The following SLC25A21 variants were observed in gnomAD, a reference collection of about 807,000 sequenced individuals.
SLC25A21 encodes solute carrier family 25 member 21, also known as mitochondrial 2-oxodicarboxylate carrier.
Under a neutral mutation model 43.8 loss-of-function variants are expected in SLC25A21, and 47 were observed. The ratio of observed to expected loss-of-function variants is 1.07; its 90% CI spans 0.85 to 1.37. SLC25A21 has a LOEUF of 1.37. Among genes scored for constraint, SLC25A21 ranks in the 40% most tolerant of loss-of-function variants. The pLI is 0.00. For missense variants in SLC25A21, 352 were observed against 350.2 expected (o/e 1.00, Z -0.04); for synonymous variants, 131 against 121.3 (o/e 1.08, Z -0.52).
At chr14:37,072,726 G>A (rs1438395414) in intron 1 of SLC25A21, among the ~76,000 whole-genome samples, 1 of 152,050 alleles carries the variant, frequency 6.6e-6, no homozygotes, top group Admixed American at 6.5e-5. Context: ...CCTGGGCGGA[G>A]CAAGACTCTG....
At chr14:36,752,847 C>T (rs1446849409) in intron 3 of SLC25A21, among the ~76,000 whole-genome samples, 1 of 152,164 alleles carries the variant, frequency 6.6e-6, no homozygotes, top group Non-Finnish European at 1.5e-5. Flanking sequence ...GCTTGCACTT[C>T]TCCTTCCTGC....
At chr14:36,784,913 G>T (rs1226848817) in intron 3 of SLC25A21, among the ~76,000 whole-genome samples, 1 of 152,182 alleles carries the variant, frequency 6.6e-6, no homozygotes, top group African/African-American at 2.4e-5. Context: ...AATATTTAAT[G>T]TAGGGAGCAA....
rs1224095433 is a variant in SLC25A21, at chr14:37,134,672, G to C, written c.70+37609C>G. On this transcript the variant is annotated intron_variant, in intron 1 of 9. Transcript: ENST00000331299. ...CTAAAAAAAAAAAAAAAGAAAGAAA[G>C]AAAGAAAAGAAAAGAAAAGAAAACA... Among the ~76,000 whole-genome samples, 3 of 149,454 alleles carry C rather than the reference G, an allele frequency of 2.0e-5. No individual in the cohort carries two copies. In the East Asian group the frequency reaches 5.9e-4, roughly 29 times the overall value.
chr14:36,715,253 G>T (rs928244662), intron 6 of SLC25A21, among the ~76,000 whole-genome samples: 3 of 152,152 alleles, frequency 2.0e-5, no homozygotes, highest in African/African-American at 7.2e-5. Context: ...ATGATAGTGT[G>T]TTTTCTTTCT....
At chr14:37,131,157 A>C (rs962379186) in intron 1 of SLC25A21, among the ~76,000 whole-genome samples, 5 of 152,178 alleles carry the variant, frequency 3.3e-5, no homozygotes, top group Non-Finnish European at 7.3e-5. Flanking sequence ...TATATGTTAC[A>C]TTTAAATTTT....
At chr14:36,975,623 G>A (rs1431114788) in intron 1 of SLC25A21, among the ~76,000 whole-genome samples, 1 of 152,140 alleles carries the variant, frequency 6.6e-6, no homozygotes, top group Non-Finnish European at 1.5e-5. Context: ...GTCTTGTCTG[G>A]CAGAGGAATC....
At chr14:36,894,982 G>A (rs1352292062) in intron 1 of SLC25A21, among the ~76,000 whole-genome samples, 1 of 152,160 alleles carries the variant, frequency 6.6e-6, no homozygotes, top group Non-Finnish European at 1.5e-5. Flanking sequence ...GTTCATCAGG[G>A]ACATTGGTCT....
chr14:36,734,370 T>C lies in SLC25A21; in HGVS notation c.270+137A>G, dbSNP rs1884947133. ...AGAGACTGACCAAGTCTAATTATAA[T>C]AAAAATTATGCTATAATTTCTGCAT... On this transcript the variant is annotated intron_variant, in intron 4 of 9. Coordinates refer to ENST00000331299, the MANE Select transcript of SLC25A21 (RefSeq NM_030631.4). 7 of 568,902 alleles carry C rather than the reference T, an allele frequency of 1.2e-5. No homozygotes were observed. In the South Asian group the frequency reaches 1.5e-4, roughly 12 times the overall value. The allele number at this position is 568,902 out of a possible 1,614,324, so 35.2% of individuals were successfully genotyped here.
At chr14:37,151,409 T>C (rs1246113503) in intron 1 of SLC25A21, among the ~76,000 whole-genome samples, 1 of 152,230 alleles carries the variant, frequency 6.6e-6, no homozygotes, top group East Asian at 1.9e-4. Flanking sequence ...GAGGCACTGC[T>C]GGTTAATATG....
chr14:37,028,404 C>A (rs1438495340), intron 1 of SLC25A21, among the ~76,000 whole-genome samples: 2 of 152,164 alleles, frequency 1.3e-5, no homozygotes, highest in Non-Finnish European at 2.9e-5. Flanking sequence ...AGTGTCACTT[C>A]TCTTGAATTG....
At chr14:36,832,550 T>C (rs1000414167) in intron 2 of SLC25A21, among the ~76,000 whole-genome samples, 1 of 152,192 alleles carries the variant, frequency 6.6e-6, no homozygotes, top group African/African-American at 2.4e-5. Flanking sequence ...TAATATTCCA[T>C]ATTAATTTAA....
intron 1 of SLC25A21, among the ~76,000 whole-genome samples, chr14:36,937,214 T>C (rs958878048): frequency 2.0e-5 from 3 of 152,168 alleles, no homozygotes; most frequent in Non-Finnish European, 4.4e-5. Context: ...CTCCACATTG[T>C]CTTGGGCTCC....
At chr14:36,818,795 A>G (rs1432102673) in intron 2 of SLC25A21, among the ~76,000 whole-genome samples, 1 of 152,198 alleles carries the variant, frequency 6.6e-6, no homozygotes, top group Non-Finnish European at 1.5e-5. Flanking sequence ...CATTTCAGCA[A>G]CTTAAAAGGT....
intron 1 of SLC25A21, among the ~76,000 whole-genome samples, chr14:36,998,310 G>A (rs1276855515): frequency 1.3e-5 from 2 of 152,140 alleles, no homozygotes; most frequent in Non-Finnish European, 2.9e-5. Flanking sequence ...CAAATTTAGA[G>A]TAACAGAAAA....
At chr14:37,038,274 A>T (rs1413012300) in intron 1 of SLC25A21, among the ~76,000 whole-genome samples, 1 of 152,164 alleles carries the variant, frequency 6.6e-6, no homozygotes, top group African/African-American at 2.4e-5. Context: ...AGGTGACATA[A>T]GGTATACCTA....
chr14:36,870,143 T>C (rs1890328114), intron 2 of SLC25A21, among the ~76,000 whole-genome samples: 1 of 152,210 alleles, frequency 6.6e-6, no homozygotes, highest in Non-Finnish European at 1.5e-5. Flanking sequence ...GGATCAATAA[T>C]GCGACAGATG....
At position 36,729,624 on chromosome 14, in the gene SLC25A21, A is replaced by C. The variant is rs919889854; in HGVS notation, c.271-58T>G. ...ACAATTTTCCTGCAACAAACTCTTT[A>C]ATTGACTCAAATTTCTTTGGTAAAT... On this transcript the variant is annotated intron_variant, in intron 4 of 9. Coordinates refer to ENST00000331299, the MANE Select transcript of SLC25A21 (RefSeq NM_030631.4). The C allele has an allele frequency of 1.6e-5, 22 of 1,361,906 alleles. No homozygotes were observed. The African/African-American group carries it at 3.2e-4, about 20-fold the overall frequency. The allele number at this position is 1,361,906 out of a possible 1,614,324, so 84.4% of individuals were successfully genotyped here.
chr14:36,915,752 G>A (rs1219154581), intron 1 of SLC25A21, among the ~76,000 whole-genome samples: 1 of 152,090 alleles, frequency 6.6e-6, no homozygotes, highest in African/African-American at 2.4e-5. Flanking sequence ...CTTTAGTAAC[G>A]AGAGGTCAAC....
intron 1 of SLC25A21, among the ~76,000 whole-genome samples, chr14:37,151,711 C>T (rs542061598): frequency 6.6e-6 from 1 of 152,296 alleles, no homozygotes; most frequent in African/African-American, 2.4e-5. Context: ...CAGCCTTGAA[C>T]AAGATATTTA....
Sources: allele counts gnomAD v4.1 joint callset (sites outside exome capture counted in the v4.1 genomes callset), GRCh38; gene constraint gnomAD v4.1.1; transcripts MANE v1.5; gene names NCBI Gene and HGNC (gene_info 2026-07-23, HGNC 2026-07-21).